Variants in NTM observed in about 807,000 individuals in gnomAD.
The protein encoded by NTM is neurotrimin, also known as IgLON family member 2.
Under a neutral mutation model 42.1 loss-of-function variants are expected in NTM, and 13 were observed. The ratio of observed to expected loss-of-function variants is 0.31; its 90% CI spans 0.20 to 0.49. The LOEUF is 0.49. NTM is among the 20% of genes least tolerant of loss of function. NTM has a pLI of 0.99. For missense variants in NTM, 373 were observed against 452.8 expected (o/e 0.82, Z 1.60); for synonymous variants, 187 against 179.2 (o/e 1.04, Z -0.35).
intron 1 of NTM, among the ~76,000 whole-genome samples, chr11:131,878,615 AT>A (rs2048958255): frequency 3.1e-5 from 1 of 32,058 alleles, no homozygotes. Context: ...ATATATATAT[AT>A]ATATATATAT....
At chr11:131,623,977 CT>C (rs1471064895) in intron 1 of NTM, among the ~76,000 whole-genome samples, 2 of 152,230 alleles carry the variant, frequency 1.3e-5, no homozygotes, top group African/African-American at 4.8e-5. Flanking sequence ...GGCAGTTGCT[CT>C]GACCGAGGTC....
intron 1 of NTM, among the ~76,000 whole-genome samples, chr11:131,723,814 TTGTG>T (rs2078642974): frequency 6.6e-6 from 1 of 151,758 alleles, no homozygotes; most frequent in Non-Finnish European, 1.5e-5. Context: ...GTGTATCTGT[TTGTG>T]TGTGTGTGCA....
intron 2 of NTM, among the ~76,000 whole-genome samples, chr11:132,082,378 C>A (rs2059188066): frequency 6.6e-6 from 1 of 152,190 alleles, no homozygotes; most frequent in South Asian, 2.1e-4. Context: ...GTTGAAGAGG[C>A]AAGGCTCCTC....
At chr11:131,733,775 T>G (rs958177153) in intron 1 of NTM, among the ~76,000 whole-genome samples, 17 of 152,124 alleles carry the variant, frequency 1.1e-4, no homozygotes, top group Non-Finnish European at 2.4e-4. Flanking sequence ...TGACCTCAAG[T>G]GATCCACCTG....
chr11:132,112,012 G>A (rs1311727395), intron 2 of NTM, among the ~76,000 whole-genome samples: 1 of 152,214 alleles, frequency 6.6e-6, no homozygotes, highest in Non-Finnish European at 1.5e-5. Context: ...ACTACAAATA[G>A]CTGCTCTGCC....
intron 1 of NTM, among the ~76,000 whole-genome samples, chr11:131,657,214 AGCGCTG>A (rs1428287148): frequency 3.3e-5 from 5 of 151,812 alleles, no homozygotes; most frequent in African/African-American, 1.2e-4. Flanking sequence ...CCCAGCATCA[AGCGCTG>A]GCCCAGTCTG....
At chr11:132,286,688 C>G (rs909949270) in intron 4 of NTM, among the ~76,000 whole-genome samples, 2 of 152,168 alleles carry the variant, frequency 1.3e-5, no homozygotes, top group African/African-American at 4.8e-5. Context: ...CCAGAATGAC[C>G]GCATGGCTCT....
At chr11:132,147,650 C>T (rs1475086895) in intron 3 of NTM, among the ~76,000 whole-genome samples, 2 of 152,014 alleles carry the variant, frequency 1.3e-5, no homozygotes, top group Non-Finnish European at 2.9e-5. Flanking sequence ...GCAGTATAGC[C>T]CCTGAGCAGC....
In NTM at chr11:131,416,783, CT is replaced by C. The variant is rs200638739; in HGVS notation, c.82+45899del. On this transcript the variant is annotated intron_variant, in intron 1 of 8. Transcript: ENST00000683400. Reference sequence around the variant, plus strand: ...AAAGTCTTGTTTTTGATATAATGTCCTTTTAAACAGAATTTGAATTAAAGAG... The same window carrying C: ...AAAGTCTTGTTTTTGATATAATGTCCTTTAAACAGAATTTGAATTAAAGAG... Among the ~76,000 whole-genome samples, 917 of 152,204 alleles carry C rather than the reference CT, an allele frequency of 6.0e-3. 9 individuals carry two copies. Among genetic ancestry groups the C allele is most frequent in the African/African-American group, 0.021 (858 of 41,550 alleles).
rs79935531 is a variant in NTM at position 131,937,873 on chromosome 11, G to A, written c.167+26225G>A. Among the ~76,000 whole-genome samples the A allele has an allele frequency of 1.9e-3, 287 of 152,256 alleles. 4 individuals are homozygous for A. The highest frequency in any genetic ancestry group is 6.6e-3 in the African/African-American group (273 of 41,542). ...GTGTCTCAAAGGGCGGGTAAAAAAT[G>A]AGATTCTTTCTTTAGGTTGCACGTA... is the stretch of plus-strand genomic sequence containing the variant. On this transcript the variant is annotated intron_variant, in intron 2 of 8. Transcript: ENST00000683400.
At chr11:131,436,569 G>A (rs894136877) in intron 1 of NTM, among the ~76,000 whole-genome samples, 10 of 152,150 alleles carry the variant, frequency 6.6e-5, no homozygotes, top group Admixed American at 2.0e-4. Context: ...GTTTATTTGC[G>A]TAGAGATGTT....
At chr11:131,647,645 C>T (rs1286305406) in intron 1 of NTM, among the ~76,000 whole-genome samples, 1 of 152,096 alleles carries the variant, frequency 6.6e-6, no homozygotes, top group East Asian at 1.9e-4. Flanking sequence ...AGAATTAAGC[C>T]TTAGCAGAGT....
intron 1 of NTM, among the ~76,000 whole-genome samples, chr11:131,820,688 C>G (rs1203021243): frequency 6.6e-6 from 1 of 152,108 alleles, no homozygotes; most frequent in Admixed American, 6.5e-5. Flanking sequence ...CACCACTAAG[C>G]AATACAAAGG....
intron 1 of NTM, among the ~76,000 whole-genome samples, chr11:131,841,798 G>C (rs767995009): frequency 6.6e-6 from 1 of 152,160 alleles, no homozygotes; most frequent in Non-Finnish European, 1.5e-5. Context: ...GGAAGTAGAG[G>C]AGGGATGGGG....
chr11:132,315,947 T>A lies in NTM; in HGVS notation c.934+1244T>A, dbSNP rs567579977. Among the ~76,000 whole-genome samples the A allele has an allele frequency of 1.3e-4, 20 of 151,162 alleles. No homozygotes were observed. In the South Asian group the frequency reaches 3.9e-3, roughly 30 times the overall value. ...CTTGCATTTTTCATGCCTTTTTGCC[T>A]TTTTGGCAGGCGTCTGTCTGCATGA... On this transcript the variant is annotated intron_variant, in intron 7 of 8. Coordinates refer to ENST00000683400, the MANE Select transcript of NTM (RefSeq NM_001352005.2).
intron 3 of NTM, among the ~76,000 whole-genome samples, chr11:132,163,939 G>T (rs1463156478): frequency 6.6e-6 from 1 of 151,846 alleles, no homozygotes; most frequent in Non-Finnish European, 1.5e-5. Flanking sequence ...GTTTACCCAT[G>T]TTGAGAACCA....
At chr11:131,741,162 TGAGAGA>T (rs71067330) in intron 1 of NTM, among the ~76,000 whole-genome samples, 17,367 of 129,460 alleles carry the variant, frequency 0.13, 1,250 homozygotes, top group Admixed American at 0.24. Flanking sequence ...AAGACCCCGT[TGAGAGA>T]GAGAGAGAGA....
intron 2 of NTM, among the ~76,000 whole-genome samples, chr11:132,109,511 AAAATT>A (rs1279545059): frequency 3.9e-5 from 6 of 152,166 alleles, no homozygotes; most frequent in Non-Finnish European, 7.3e-5. Flanking sequence ...TATAAGGAAA[AAAATT>A]AAATATTTTT....
chr11:131,559,252 C>T (rs904293227), intron 1 of NTM, among the ~76,000 whole-genome samples: 26 of 152,184 alleles, frequency 1.7e-4, no homozygotes, highest in African/African-American at 5.5e-4. Flanking sequence ...TAAAACTCTT[C>T]TTTTTATTCT....
Sources: gnomAD v4.1 joint callset for allele counts (sites outside exome capture counted in the v4.1 genomes callset) on GRCh38, gnomAD v4.1.1 for gene constraint, MANE v1.5 for transcripts, NCBI Gene and HGNC (gene_info 2026-07-23, HGNC 2026-07-21) for gene names.